The following CCDC6 variants were observed in gnomAD, a reference collection of about 807,000 sequenced individuals.
The protein encoded by CCDC6 is coiled-coil domain-containing protein 6.
A neutral mutation model predicts 56.6 loss-of-function variants in CCDC6; 20 were observed. The observed-to-expected ratio is 0.35, with a 90% confidence interval of 0.25 to 0.51. CCDC6 has a LOEUF of 0.51. CCDC6 is among the 20% of genes least tolerant of loss of function. The pLI, the probability that CCDC6 is intolerant of heterozygous loss-of-function variation, is 0.95. For synonymous variants in CCDC6, 241 were observed against 234.4 expected (o/e 1.03, Z -0.26); for missense variants, 367 against 601.1 (o/e 0.61, Z 4.07).
At chr10:59,851,928 A>G (rs60311363) in intron 2 of CCDC6, among the ~76,000 whole-genome samples, 62,779 of 150,136 alleles carry the variant, frequency 0.42, 13,278 homozygotes, top group Middle Eastern at 0.46. Flanking sequence ...TGAAAGGGGG[A>G]AAAAAAAGGA....
chr10:59,883,754 A>G (rs1352234200), intron 1 of CCDC6, among the ~76,000 whole-genome samples: 6 of 152,222 alleles, frequency 3.9e-5, no homozygotes, highest in South Asian at 2.1e-4. Context: ...TCCCTAAACT[A>G]TATTTGAGAA....
At chr10:59,799,121 C>A (rs1364344598) in intron 7 of CCDC6, among the ~76,000 whole-genome samples, 1 of 150,542 alleles carries the variant, frequency 6.6e-6, no homozygotes, top group Non-Finnish European at 1.5e-5. Context: ...ATGAGTACTG[C>A]CTACTTACTT....
At chr10:59,810,919 A>G (rs1358744322) in intron 5 of CCDC6, among the ~76,000 whole-genome samples, 2 of 152,150 alleles carry the variant, frequency 1.3e-5, no homozygotes, top group African/African-American at 4.8e-5. Flanking sequence ...AAGGATCCTA[A>G]TAAAGGGAGG....
At chr10:59,808,627 AAG>A (rs2070646726) in intron 5 of CCDC6, among the ~76,000 whole-genome samples, 3 of 152,254 alleles carry the variant, frequency 2.0e-5, no homozygotes, top group Admixed American at 6.5e-5. Flanking sequence ...GAGCACGTCT[AAG>A]AGAGTTTCCT....
At chr10:59,809,322 CT>C (rs1166245401) in intron 5 of CCDC6, among the ~76,000 whole-genome samples, 3 of 152,162 alleles carry the variant, frequency 2.0e-5, no homozygotes, top group Non-Finnish European at 4.4e-5. Flanking sequence ...AGAACATTGT[CT>C]TTCAAAGAAA....
chr10:59,901,945 C>CA (rs11445472), intron 1 of CCDC6, among the ~76,000 whole-genome samples: 92,420 of 151,804 alleles, frequency 0.61, 28,703 homozygotes, highest in East Asian at 0.86. Flanking sequence ...TCCCCTACTC[C>CA]AAAAAAAAGA....
At chr10:59,825,287 C>A (rs972401514) in intron 3 of CCDC6, among the ~76,000 whole-genome samples, 2 of 152,188 alleles carry the variant, frequency 1.3e-5, no homozygotes, top group African/African-American at 4.8e-5. Flanking sequence ...ATAAGTCTCA[C>A]GAGATCTGAT....
intron 3 of CCDC6, among the ~76,000 whole-genome samples, chr10:59,830,470 C>CA (rs1434587622): frequency 2.6e-5 from 4 of 152,166 alleles, no homozygotes; most frequent in African/African-American, 9.7e-5. Flanking sequence ...ATCCCAGTCA[C>CA]ACCCAAAGCA....
chr10:59,881,343 A>G (rs1447295337), intron 1 of CCDC6, among the ~76,000 whole-genome samples: 1 of 152,058 alleles, frequency 6.6e-6, no homozygotes, highest in Non-Finnish European at 1.5e-5. Context: ...TTTTAAGATG[A>G]ACATCCCGGC....
chr10:59,906,455 G>A lies in CCDC6; in HGVS notation c.-31C>T. 1 of 1,461,932 alleles carries A rather than the reference G, an allele frequency of 6.8e-7. No homozygotes were observed. Among genetic ancestry groups the A allele is most frequent in the Non-Finnish European group, 8.9e-7 (1 of 1,122,342 alleles). The allele number at this position is 1,461,932 out of a possible 1,614,324, so 90.6% of individuals were successfully genotyped here. On this transcript the variant is annotated 5_prime_UTR_variant, in exon 1 of 9. Coordinates refer to ENST00000263102, the MANE Select transcript of CCDC6 (RefSeq NM_005436.5). ...CGGCGGGCTGGGGAAAGGAGGAGGAGCAGCAGGGAGGCGGCGGCGACGAAG... is the reference window on the plus strand; with the variant it reads ...CGGCGGGCTGGGGAAAGGAGGAGGAACAGCAGGGAGGCGGCGGCGACGAAG...
intron 1 of CCDC6, among the ~76,000 whole-genome samples, chr10:59,873,822 A>T (rs182916177): frequency 0.021 from 3,184 of 151,508 alleles, 38 homozygotes; most frequent in Middle Eastern, 0.054. Flanking sequence ...GCTAATTTTT[A>T]AAAAAAAAGA....
intron 1 of CCDC6, among the ~76,000 whole-genome samples, chr10:59,867,400 T>C (rs138639997): frequency 4.9e-4 from 74 of 152,314 alleles, no homozygotes; most frequent in African/African-American, 1.7e-3. Context: ...AACATCAACA[T>C]AGACCTTAAG....
At chr10:59,798,817 A>AC (rs1216019162) in intron 7 of CCDC6, among the ~76,000 whole-genome samples, 1 of 151,784 alleles carries the variant, frequency 6.6e-6, no homozygotes, top group African/African-American at 2.4e-5. Context: ...ACATGGTGAA[A>AC]CCCCATCTCT....
chr10:59,895,250 AATG>A (rs2071453307), intron 1 of CCDC6, among the ~76,000 whole-genome samples: 1 of 152,138 alleles, frequency 6.6e-6, no homozygotes, highest in Non-Finnish European at 1.5e-5. Flanking sequence ...TGCAGTCAAC[AATG>A]ATGGCACCAC....
chr10:59,875,439 T>C (rs1628136), intron 1 of CCDC6, among the ~76,000 whole-genome samples: 115,620 of 152,058 alleles, frequency 0.76, 44,205 homozygotes, highest in East Asian at 0.9. Flanking sequence ...AAAGAAGGTT[T>C]GAAGGACACA....
chr10:59,855,409 T>TA (rs1010615986), intron 1 of CCDC6, among the ~76,000 whole-genome samples: 9 of 151,898 alleles, frequency 5.9e-5, no homozygotes, highest in African/African-American at 1.9e-4. Context: ...CTACTTAAAA[T>TA]AAAAAAAATT....
chr10:59,840,494 C>T (rs917514113), intron 2 of CCDC6, among the ~76,000 whole-genome samples: 4 of 152,164 alleles, frequency 2.6e-5, no homozygotes, highest in Non-Finnish European at 5.9e-5. Flanking sequence ...TCTGGGCACA[C>T]CTCCTGAGTA....
At chr10:59,864,081 C>T (rs2071157241) in intron 1 of CCDC6, among the ~76,000 whole-genome samples, 3 of 152,248 alleles carry the variant, frequency 2.0e-5, no homozygotes, top group South Asian at 4.1e-4. Flanking sequence ...CCATGGCCAG[C>T]TTTAAAAAAC....
At position 59,852,578 on chromosome 10, in the gene CCDC6, T is replaced by C; in HGVS notation, c.428A>G (p.Asn143Ser). ...NYEKEEEFLT[N>S]ELSRKLMQLQ... The stretch of plus-strand genomic sequence containing the variant: ...CTGCATCAATTTTCTGGAGAGCTCA[T>C]TAGTGAGGAATTCTTCTTCTTTCTC... The change falls in exon 2 of 9, where the codon AAT becomes AGT. Residue 143 changes from asparagine to serine, a missense_variant. Asn to Ser is a conservative substitution (Grantham distance 46, BLOSUM62 1). Transcript: ENST00000263102. 1 of 1,596,988 alleles carries C rather than the reference T, an allele frequency of 6.3e-7. No individual in the cohort carries two copies. The highest frequency in any genetic ancestry group is 8.5e-7 in the Non-Finnish European group (1 of 1,174,768).
Sources: allele counts gnomAD v4.1 joint callset (sites outside exome capture counted in the v4.1 genomes callset), GRCh38; gene constraint gnomAD v4.1.1; transcripts MANE v1.5; gene names NCBI Gene and HGNC (gene_info 2026-07-23, HGNC 2026-07-21).